EML1: variants seen among roughly 807,000 people sequenced by gnomAD.
EML1 encodes the protein EMAP like 1, also known as echinoderm microtubule-associated protein-like 1.
Under a neutral mutation model 110.4 loss-of-function variants are expected in EML1, and 27 were observed. The ratio of observed to expected loss-of-function variants is 0.24; its 90% CI spans 0.18 to 0.34. EML1 has a LOEUF of 0.34. EML1 is among the 10% of genes least tolerant of loss of function. The pLI is 1.00. For missense variants in EML1, 741 were observed against 1,030.9 expected (o/e 0.72, Z 3.85); for synonymous variants, 344 against 385.8 (o/e 0.89, Z 1.27).
chr14:99,822,702 G>A (rs750568340), intron 1 of EML1, among the ~76,000 whole-genome samples: 2 of 152,024 alleles, frequency 1.3e-5, no homozygotes, highest in African/African-American at 4.8e-5. Flanking sequence ...AAGAAATGCC[G>A]TTTCTTTTTT....
intron 1 of EML1, among the ~76,000 whole-genome samples, chr14:99,750,622 G>C (rs748108115): frequency 3.3e-5 from 5 of 152,188 alleles, no homozygotes; most frequent in Non-Finnish European, 5.9e-5. Flanking sequence ...GGGCACAGTG[G>C]GGGGATCAGG....
chr14:99,917,976 C>T (rs752044436), intron 16 of EML1, 127 bp downstream of exon 16: 6 of 905,212 alleles, frequency 6.6e-6, no homozygotes, highest in African/African-American at 1.7e-5. Flanking sequence ...AATGACTTAC[C>T]AAGAATTAAG....
intron 15 of EML1, among the ~76,000 whole-genome samples, chr14:99,916,977 G>A (rs1199721107): frequency 6.6e-6 from 1 of 152,164 alleles, no homozygotes; most frequent in East Asian, 1.9e-4. Context: ...CTGTGTGTGT[G>A]TTCCACTGGA....
intron 1 of EML1, among the ~76,000 whole-genome samples, chr14:99,832,034 C>T (rs2058464681): frequency 6.6e-6 from 1 of 152,118 alleles, no homozygotes; most frequent in Admixed American, 6.5e-5. Context: ...TTTTGTGCCC[C>T]TTTGTCAGCC....
intron 1 of EML1, among the ~76,000 whole-genome samples, chr14:99,756,179 A>G (rs1036114916): frequency 2.6e-5 from 4 of 152,174 alleles, no homozygotes; most frequent in African/African-American, 9.6e-5. Context: ...GGCCCCAGAG[A>G]AGGACCCCAG....
At chr14:99,835,664 T>G (rs4905902) in intron 1 of EML1, among the ~76,000 whole-genome samples, 103,480 of 152,112 alleles carry the variant, frequency 0.68, 35,299 homozygotes, top group Non-Finnish European at 0.7. Context: ...GTTTTTATGT[T>G]CATTCAGTTA....
chr14:99,753,989 C>T (rs993097654), intron 1 of EML1, among the ~76,000 whole-genome samples: 7 of 152,144 alleles, frequency 4.6e-5, no homozygotes, highest in African/African-American at 1.2e-4. Context: ...CCAACAAGGG[C>T]CCCCCACCCC....
chr14:99,771,858 A>C (rs191961676), upstream of EML1, among the ~76,000 whole-genome samples: 1 of 152,336 alleles, frequency 6.6e-6, no homozygotes, highest in East Asian at 1.9e-4. Flanking sequence ...AAAACAAAAA[A>C]TAATGCTGCC....
chr14:99,879,756 G>A (rs560775073), intron 4 of EML1, among the ~76,000 whole-genome samples: 53 of 152,274 alleles, frequency 3.5e-4, no homozygotes, highest in South Asian at 1.2e-3. Context: ...TAATACCTTG[G>A]AAATGAGGCC....
chr14:99,766,193 A>G lies in EML1; in HGVS notation c.28+28333A>G, dbSNP rs374229455. Among the ~76,000 whole-genome samples, 20 of 100,956 alleles carry G rather than the reference A, an allele frequency of 2.0e-4. No homozygotes were observed. The Admixed American group carries it at 2.1e-3, about 11-fold the overall frequency. 66.2% of individuals were successfully genotyped at this position (100,956 alleles called of 152,430 possible). A position where few individuals can be genotyped will look rare whatever the true frequency, so the allele number is the denominator to read the frequency against. ...TGGATCACATGGAAATTAAACTTTT[A>G]CTTTTTTTTTTTTTTTTTTGAGACA... On this transcript the variant is annotated intron_variant, in intron 1 of 10. Transcript: ENST00000554479.
rs868340729 is a variant in EML1 at position 99,793,457 on chromosome 14, C to T, written c.-20C>T. On this transcript the variant is annotated 5_prime_UTR_variant, in exon 1 of 22. Transcript: ENST00000262233. Reference sequence around the variant, plus strand: ...CGGCGCGGCCGGGCCGGGGAGCGGGCGCGGCCCGGCGGCCTCAGCATGGAG... The same window carrying T: ...CGGCGCGGCCGGGCCGGGGAGCGGGTGCGGCCCGGCGGCCTCAGCATGGAG... 9.6e-7 allele frequency: 1 copy of T among 1,043,174 alleles called. No individual in the cohort carries two copies. The allele number at this position is 1,043,174 out of a possible 1,614,324, so 64.6% of individuals were successfully genotyped here.
intron 1 of EML1, among the ~76,000 whole-genome samples, chr14:99,760,275 A>G (rs1290910447): frequency 6.6e-6 from 1 of 152,132 alleles, no homozygotes; most frequent in African/African-American, 2.4e-5. Flanking sequence ...TGTCAGCCAC[A>G]TGGGTTTCCT....
intron 3 of EML1, among the ~76,000 whole-genome samples, chr14:99,873,580 G>A (rs988434393): frequency 6.6e-6 from 1 of 152,178 alleles, no homozygotes; most frequent in Non-Finnish European, 1.5e-5. Context: ...GAAGACCTGC[G>A]GGACCTGTCC....
rs137954318 is a variant in EML1 at position 99,747,137 on chromosome 14, G to A, written c.28+9277G>A. Among the ~76,000 whole-genome samples, 261 of 135,560 alleles carry A rather than the reference G, an allele frequency of 1.9e-3. 1 individual carries two copies. The highest frequency in any genetic ancestry group is 6.6e-3 in the African/African-American group (239 of 36,398). The allele number at this position is 135,560 out of a possible 152,430, so 88.9% of individuals were successfully genotyped here. On this transcript the variant is annotated intron_variant, in intron 1 of 10. Coordinates refer to the EML1 transcript ENST00000554479. ...CAGGAGGTGGAGCTTGCAGTGAGCCGAGATAGCGCCACTGCACTCCAGCCT... is the reference window on the plus strand; with the variant it reads ...CAGGAGGTGGAGCTTGCAGTGAGCCAAGATAGCGCCACTGCACTCCAGCCT...
intron 1 of EML1, among the ~76,000 whole-genome samples, chr14:99,754,101 TG>T (rs900012432): frequency 6.6e-6 from 1 of 152,206 alleles, no homozygotes; most frequent in Non-Finnish European, 1.5e-5. Flanking sequence ...ATCTGTGAAA[TG>T]GGGGAAGCTG....
Position 99,941,973 on chromosome 14 carries a change from TTATATA to T in EML1, c.*1867_*1872del, listed in dbSNP as rs747411825. On this transcript the variant is annotated 3_prime_UTR_variant, in exon 22 of 22. Coordinates refer to ENST00000262233, the MANE Select transcript of EML1 (RefSeq NM_004434.3). Reference sequence around the variant, plus strand: ...TCTACTATTTTAGATAAATGTACTGTTATATATATATGTAAACTACTATTGCTCTCT... The same window carrying T: ...TCTACTATTTTAGATAAATGTACTGTTATATGTAAACTACTATTGCTCTCT... 4 of 152,266 alleles carry T rather than the reference TTATATA, an allele frequency of 2.6e-5. No individual in the cohort carries two copies. The highest frequency in any genetic ancestry group is 1.9e-4 in the East Asian group (1 of 5,192). 9.4% of individuals were successfully genotyped at this position (152,266 alleles called of 1,614,324 possible).
intron 2 of EML1, among the ~76,000 whole-genome samples, chr14:99,864,805 CAAAAAAAAAAA>C (rs67480916): frequency 4.0e-5 from 4 of 99,044 alleles, no homozygotes; most frequent in African/African-American, 3.8e-5. Context: ...AACTCTGTCT[CAAAAAAAAAAA>C]AAAAAAAAGA....
At chr14:99,907,972 G>A (rs2059882778) in intron 10 of EML1, among the ~76,000 whole-genome samples, 1 of 152,208 alleles carries the variant, frequency 6.6e-6, no homozygotes, top group Non-Finnish European at 1.5e-5. Flanking sequence ...TCATTTCATA[G>A]CCACTACCCT....
At chr14:99,739,078 G>GTGTA (rs1331290829) in intron 1 of EML1, among the ~76,000 whole-genome samples, 119 of 125,476 alleles carry the variant, frequency 9.5e-4, no homozygotes, top group African/African-American at 3.8e-3. Flanking sequence ...GTGTGTGTGT[G>GTGTA]TGTGTGTGTG....
Sources: gnomAD v4.1 joint callset for allele counts (sites outside exome capture counted in the v4.1 genomes callset) on GRCh38, gnomAD v4.1.1 for gene constraint, MANE v1.5 for transcripts, NCBI Gene and HGNC (gene_info 2026-07-23, HGNC 2026-07-21) for gene names.